ARHGAP29: variants seen among roughly 807,000 people sequenced by gnomAD.
ARHGAP29 encodes Rho GTPase activating protein 29.
A neutral mutation model predicts 122.6 loss-of-function variants in ARHGAP29; 43 were observed. The ratio of observed to expected loss-of-function variants is 0.35; its 90% CI spans 0.27 to 0.45. The LOEUF is 0.45. ARHGAP29 is among the 20% of genes least tolerant of loss of function. The pLI, the probability that ARHGAP29 is intolerant of heterozygous loss-of-function variation, is 1.00. For synonymous variants in ARHGAP29, 506 were observed against 497.1 expected (o/e 1.02, Z -0.24); for missense variants, 1,303 against 1,477.2 (o/e 0.88, Z 1.93).
chr1:94,208,897 T>G lies in ARHGAP29; in HGVS notation c.445A>C (p.Asn149His). 6.2e-7 allele frequency: 1 copy of G among 1,613,834 alleles called. No individual in the cohort carries two copies. The highest frequency in any genetic ancestry group is 1.1e-5 in the South Asian group (1 of 91,064). Residue 149 changes from asparagine (N) to histidine (H), a missense_variant, in exon 5 of 23, where the codon AAC becomes CAC. Physicochemically the swap from Asn to His is moderately conservative, Grantham distance 68. Around this residue, in one of 3 missense-constraint regions of ARHGAP29, gnomAD observed 592 missense variants for 648.2 expected, o/e 0.91. Transcript: ENST00000260526. ...LAFTFGNILT[N>H]FLMGDVGNDS... ...TTGCCTACATCTCCCATAAGGAAGT[T>G]TGTAAGGCTATCCAAGGAGGTTAAA...
rs537251678 is a variant in ARHGAP29, at chr1:94,195,157, C to A, written c.1282-5074G>T. ...GAAAAAGACACTGTAGTCATTAGAA[C>A]GAGAAGGGAAGGGAAAGAGTTCTAC... On this transcript the variant is annotated intron_variant, in intron 12 of 22. Transcript: ENST00000260526. 5 of 152,124 alleles carry A rather than the reference C, an allele frequency of 3.3e-5. No homozygotes were observed. In the East Asian group the frequency reaches 7.7e-4, roughly 24 times the overall value. The allele number at this position is 152,124 out of a possible 1,614,324, so 9.4% of individuals were successfully genotyped here. A position where few individuals can be genotyped will look rare whatever the true frequency, so the allele number is the denominator to read the frequency against.
At chr1:94,247,024 A>G (rs1028634711) in intron 1 of ARHGAP29, among the ~76,000 whole-genome samples, 3 of 152,144 alleles carry the variant, frequency 2.0e-5, no homozygotes, top group African/African-American at 7.2e-5. Context: ...TCCCTCCCCC[A>G]AAGTAATAAA....
rs140986428 is a variant in ARHGAP29 at position 94,188,904 on chromosome 1, A to G, written c.1614T>C (p.Phe538=). The G allele has an allele frequency of 5.0e-6, 8 of 1,613,208 alleles. No individual in the cohort carries two copies. The Admixed American group carries it at 5.0e-5, about 10-fold the overall frequency. ...SFIRSWTFGM[F]SDSESTGGSS... is the part of the protein sequence containing the mutation. ...TCCCTCCAGTGCTCTCAGAATCACTAAACATCCCAAATGTCCATGATCTTA... is the reference window on the plus strand; with the variant it reads ...TCCCTCCAGTGCTCTCAGAATCACTGAACATCCCAAATGTCCATGATCTTA... The change falls in exon 15 of 23, where the codon TTT becomes TTC. Residue 538 remains phenylalanine (F), a synonymous_variant. Coordinates refer to ENST00000260526, the MANE Select transcript of ARHGAP29 (RefSeq NM_004815.4).
At chr1:94,310,883 C>G in the ARHGAP29 span, among the ~76,000 whole-genome samples, 2 of 152,132 alleles carry the variant, frequency 1.3e-5, no homozygotes, top group Non-Finnish European at 2.9e-5. Context: ...ATCTTTCTTC[C>G]CCATGCCTGC....
intron 12 of ARHGAP29, among the ~76,000 whole-genome samples, chr1:94,200,024 A>G (rs1385978057): frequency 2.0e-5 from 3 of 152,238 alleles, no homozygotes; most frequent in African/African-American, 7.2e-5. Context: ...ATGTAAAACT[A>G]TTGAAATTTT....
chr1:94,214,732 C>T (rs1651851538), intron 3 of ARHGAP29, among the ~76,000 whole-genome samples: 1 of 152,084 alleles, frequency 6.6e-6, no homozygotes, highest in Non-Finnish European at 1.5e-5. Context: ...CCCTTGGGTT[C>T]CCTATTAAAT....
the ARHGAP29 span, among the ~76,000 whole-genome samples, chr1:94,291,193 G>A: frequency 1.3e-5 from 2 of 152,112 alleles, no homozygotes; most frequent in African/African-American, 4.8e-5. Context: ...TGTCTCTTGT[G>A]ATCTTTGTTG....
chr1:94,291,323 T>A, the ARHGAP29 span, among the ~76,000 whole-genome samples: 3 of 152,318 alleles, frequency 2.0e-5, no homozygotes, highest in Non-Finnish European at 4.4e-5. Context: ...CCTCCATCCC[T>A]TTATTTTGAA....
At chr1:94,246,329 T>G (rs2100685426) in intron 1 of ARHGAP29, among the ~76,000 whole-genome samples, 1 of 152,342 alleles carries the variant, frequency 6.6e-6, no homozygotes, top group South Asian at 2.1e-4. Flanking sequence ...TCACTCATTC[T>G]GAATATTCAC....
intron 15 of ARHGAP29, among the ~76,000 whole-genome samples, chr1:94,188,385 T>A (rs987841690): frequency 6.6e-6 from 1 of 152,082 alleles, no homozygotes; most frequent in South Asian, 2.1e-4. Flanking sequence ...GACAATTATA[T>A]TCACAGAATA....
upstream of ARHGAP29, among the ~76,000 whole-genome samples, chr1:94,275,926 G>A (rs1655169624): frequency 6.6e-6 from 1 of 151,486 alleles, no homozygotes; most frequent in Non-Finnish European, 1.5e-5. Flanking sequence ...TAGAAACAGA[G>A]CTACAAGATT....
At chr1:94,284,482 T>C in the ARHGAP29 span, among the ~76,000 whole-genome samples, 4 of 152,228 alleles carry the variant, frequency 2.6e-5, no homozygotes, top group African/African-American at 7.2e-5. Flanking sequence ...AATCCAGGCA[T>C]GGTCATAGCA....
chr1:94,191,670 T>C (rs1005478147), intron 12 of ARHGAP29: 1 of 152,176 alleles, frequency 6.6e-6, no homozygotes, highest in Non-Finnish European at 1.5e-5. Context: ...TTATAATTTA[T>C]TTAAACCAGT....
chr1:94,186,314 T>C (rs138039721), intron 16 of ARHGAP29, among the ~76,000 whole-genome samples, 185 bp downstream of exon 16: 195 of 152,366 alleles, frequency 1.3e-3, no homozygotes, highest in African/African-American at 4.6e-3. Flanking sequence ...TTTGTAACAT[T>C]TGATTAATAC....
At chr1:94,293,025 G>A in the ARHGAP29 span, among the ~76,000 whole-genome samples, 4 of 152,240 alleles carry the variant, frequency 2.6e-5, no homozygotes, top group African/African-American at 9.6e-5. Context: ...GTCTGCAGAA[G>A]CTGTCTGCTG....
At chr1:94,235,590 G>A (rs938691482) in intron 1 of ARHGAP29, among the ~76,000 whole-genome samples, 1 of 152,174 alleles carries the variant, frequency 6.6e-6, no homozygotes, top group Non-Finnish European at 1.5e-5. Flanking sequence ...AAACTTAACT[G>A]ACTCTGTGGA....
At chr1:94,187,441 ATTACTCC>A (rs1225745353) in intron 15 of ARHGAP29, among the ~76,000 whole-genome samples, 3 of 152,182 alleles carry the variant, frequency 2.0e-5, no homozygotes, top group Non-Finnish European at 4.4e-5. Flanking sequence ...ACAAGGTTGT[ATTACTCC>A]ATTTTATAAC....
chr1:94,171,415 G>A lies in ARHGAP29; in HGVS notation c.*2454C>T, dbSNP rs138975444. On this transcript the variant is annotated 3_prime_UTR_variant, in exon 23 of 23. Coordinates refer to ENST00000260526, the MANE Select transcript of ARHGAP29 (RefSeq NM_004815.4). ...CTTCAGAAATGACTTCTTCTGAGTC[G>A]TTTGGACAATACGCATCATCTTGGA... Among the ~76,000 whole-genome samples, 245 of 152,280 alleles carry A rather than the reference G, an allele frequency of 1.6e-3. 2 individuals carry two copies. Among genetic ancestry groups the A allele is most frequent in the African/African-American group, 5.5e-3 (229 of 41,562 alleles).
chr1:94,261,384 G>C (rs965669902), intron 1 of ARHGAP29, among the ~76,000 whole-genome samples: 3 of 152,056 alleles, frequency 2.0e-5, no homozygotes, highest in Non-Finnish European at 4.4e-5. Flanking sequence ...GGTCTCATTT[G>C]GCTTTACTGT....
Sources: allele counts gnomAD v4.1 joint callset (sites outside exome capture counted in the v4.1 genomes callset), GRCh38; gene constraint gnomAD v4.1.1; regional missense constraint gnomAD v4.1.1; transcripts MANE v1.5; gene names NCBI Gene and HGNC (gene_info 2026-07-23, HGNC 2026-07-21).